The following CA8 variants were observed in gnomAD, a reference collection of about 807,000 sequenced individuals.
CA8 encodes the protein carbonic anhydrase-related protein.
In CA8, 22 loss-of-function variants were observed where a neutral mutation model predicts 41.4. That is an observed-to-expected ratio of 0.53 (90% confidence interval 0.38 to 0.76). The LOEUF is 0.76. Among genes scored for constraint, CA8 ranks in the 30% least tolerant of loss-of-function variants. The pLI is 0.00. For synonymous variants in CA8, 121 were observed against 130.6 expected, an observed-to-expected ratio of 0.93 and a Z score of 0.50; for missense variants, 270 against 352.8, an observed-to-expected ratio of 0.77 and a Z score of 1.88.
intron 8 of CA8, among the ~76,000 whole-genome samples, chr8:60,191,323 A>G (rs1190511492): frequency 6.6e-6 from 1 of 152,076 alleles, no homozygotes; most frequent in African/African-American, 2.4e-5. Flanking sequence ...AAGTGATATG[A>G]AATTGATTAT....
At chr8:60,268,867 A>G (rs1412830124) in intron 2 of CA8, among the ~76,000 whole-genome samples, 1 of 152,158 alleles carries the variant, frequency 6.6e-6, no homozygotes. Context: ...AGTCAATACA[A>G]TTACAATAAA....
At chr8:60,251,585 A>C (rs919889397) in intron 3 of CA8, among the ~76,000 whole-genome samples, 1 of 152,202 alleles carries the variant, frequency 6.6e-6, no homozygotes, top group Non-Finnish European at 1.5e-5. Context: ...CATGCATAAC[A>C]CTATGTACAT....
chr8:60,270,656 G>T (rs2130612015), intron 2 of CA8, among the ~76,000 whole-genome samples: 1 of 152,214 alleles, frequency 6.6e-6, no homozygotes, highest in South Asian at 2.1e-4. Flanking sequence ...CCTCAAGTGA[G>T]CCACCTGCCT....
At chr8:60,227,009 G>C (rs1807463690) in intron 4 of CA8, 74 bp from the exon 5 acceptor site, 6 of 1,057,248 alleles carry the variant, frequency 5.7e-6, no homozygotes, top group Non-Finnish European at 8.9e-6. Context: ...AAAACTAATA[G>C]GGCTGAGTGT....
intron 7 of CA8, among the ~76,000 whole-genome samples, chr8:60,213,745 A>G (rs1167548650): frequency 6.6e-6 from 1 of 151,726 alleles, no homozygotes; most frequent in Non-Finnish European, 1.5e-5. Flanking sequence ...TTAATTTCTT[A>G]ATTTCACCTG....
At chr8:60,190,464 T>TG (rs1806087427) in intron 8 of CA8, among the ~76,000 whole-genome samples, 1 of 134,194 alleles carries the variant, frequency 7.5e-6, no homozygotes, top group Non-Finnish European at 1.6e-5. Flanking sequence ...TATATATATA[T>TG]ATATATATAT....
Position 60,265,941 on chromosome 8 carries a change from T to C in CA8, c.401A>G (p.Lys134Arg). 1 of 1,614,136 alleles carries C rather than the reference T, an allele frequency of 6.2e-7. No individual in the cohort carries two copies. The highest frequency in any genetic ancestry group is 8.5e-7 in the Non-Finnish European group (1 of 1,179,996). The part of the protein sequence containing the change: ...QRGSEHTVNF[K>R]AFPMELHLIH... ...TATTCTTACCTCCATGGGAAAAGCT[T>C]TGAAATTAACCGTGTGCTCAGAACC... The change falls in exon 3 of 9, where the codon AAA becomes AGA. Residue 134 changes from lysine to arginine, a missense_variant. Transcript: ENST00000317995.
chr8:60,250,301 A>G (rs1357938519), intron 3 of CA8, among the ~76,000 whole-genome samples: 1 of 152,196 alleles, frequency 6.6e-6, no homozygotes, highest in Admixed American at 6.5e-5. Flanking sequence ...TTTCCACAGA[A>G]TAAATGGCAA....
intron 3 of CA8, among the ~76,000 whole-genome samples, chr8:60,232,946 T>A (rs1183784759): frequency 6.6e-6 from 1 of 152,206 alleles, no homozygotes; most frequent in African/African-American, 2.4e-5. Flanking sequence ...AGAAGGCGAT[T>A]TCCTGCACTG....
intron 7 of CA8, among the ~76,000 whole-genome samples, chr8:60,217,613 T>G (rs1807066157): frequency 6.6e-6 from 1 of 152,210 alleles, no homozygotes; most frequent in South Asian, 2.1e-4. Context: ...TTCTTGGATG[T>G]CTTAAAGGCA....
chr8:60,281,035 C>A lies in CA8; in HGVS notation c.100+13G>T. On this transcript the variant is annotated intron_variant, in intron 1 of 8. Transcript: ENST00000317995. ...CCGCGGGACCCCGGACACCCCGACT[C>A]GCGGCCACTTACCTTCCTCGTAGCC... 1 of 1,596,908 alleles carries A rather than the reference C, an allele frequency of 6.3e-7. No homozygotes were observed.
intron 3 of CA8, among the ~76,000 whole-genome samples, chr8:60,258,123 C>CT (rs776196385): frequency 2.8e-4 from 43 of 152,232 alleles, no homozygotes; most frequent in Non-Finnish European, 5.4e-4. Flanking sequence ...TACACGCTCC[C>CT]TGCCCATCAG....
At chr8:60,221,653 G>A (rs2130464014) in intron 7 of CA8, among the ~76,000 whole-genome samples, 1 of 152,332 alleles carries the variant, frequency 6.6e-6, no homozygotes, top group African/African-American at 2.4e-5. Flanking sequence ...ATAAAAATAT[G>A]AAGGTTCAAA....
Position 60,186,644 on chromosome 8 carries a change from A to T in CA8, c.*3377T>A, listed in dbSNP as rs1307359794. 6.6e-6 allele frequency among the ~76,000 whole-genome samples: 1 copy of T among 151,914 alleles called. No individual in the cohort carries two copies. The highest frequency in any genetic ancestry group is 1.5e-5 in the Non-Finnish European group (1 of 67,874). On this transcript the variant is annotated 3_prime_UTR_variant, in exon 9 of 9. Transcript: ENST00000317995. The stretch of plus-strand genomic sequence containing the variant: ...AGACTGGATTTCAAAAAAAAACAAG[A>T]TCCAACTATAAGTTGGAGACACACT...
chr8:60,222,677 C>T lies in CA8; in HGVS notation c.710G>A (p.Arg237Gln), dbSNP rs387906598. The T allele has an allele frequency of 1.2e-6, 2 of 1,610,336 alleles. No individual in the cohort carries two copies. Among genetic ancestry groups the T allele is most frequent in the Non-Finnish European group, 1.7e-6 (2 of 1,176,522 alleles). The change falls in exon 7 of 9, where the codon CGA becomes CAA. Residue 237 changes from arginine to glutamine, a missense_variant. Around this residue, in one of 3 missense-constraint regions of CA8, gnomAD observed 141 missense variants for 191.6 expected, o/e 0.74. Transcript: ENST00000317995. ...TAGCTGGGATATAGTTAAAGGGTAT[C>T]GGAATAATATCCAGGTGACACCTTC... ...CSEGVTWILF[R>Q]YPLTISQLQI...
At chr8:60,233,805 A>G (rs116015482) in intron 3 of CA8, among the ~76,000 whole-genome samples, 2,641 of 152,232 alleles carry the variant, frequency 0.017, 71 homozygotes, top group African/African-American at 0.059. Flanking sequence ...ATTTTTTTAA[A>G]CAAAACATTA....
intron 8 of CA8, among the ~76,000 whole-genome samples, chr8:60,197,057 T>C (rs1806300525): frequency 6.6e-6 from 1 of 152,160 alleles, no homozygotes; most frequent in Admixed American, 6.6e-5. Flanking sequence ...ATCTGACACA[T>C]AGTTACTGGG....
intron 7 of CA8, among the ~76,000 whole-genome samples, chr8:60,216,070 T>A (rs1485901822): frequency 1.3e-5 from 2 of 152,216 alleles, no homozygotes; most frequent in African/African-American, 4.8e-5. Flanking sequence ...CCATTCATTG[T>A]TCCTTTTGCT....
intron 8 of CA8, among the ~76,000 whole-genome samples, chr8:60,200,328 T>TC: frequency 6.6e-6 from 1 of 152,206 alleles, no homozygotes; most frequent in East Asian, 1.9e-4. Flanking sequence ...TGTAACCCTT[T>TC]CCCTTCTTCG....
Sources: allele counts gnomAD v4.1 joint callset (sites outside exome capture counted in the v4.1 genomes callset), GRCh38; gene constraint gnomAD v4.1.1; regional missense constraint gnomAD v4.1.1; transcripts MANE v1.5; gene names NCBI Gene and HGNC (gene_info 2026-07-23, HGNC 2026-07-21).